Variants in RXFP1 observed in about 807,000 individuals in gnomAD.
RXFP1 encodes the protein relaxin receptor 1.
In RXFP1, 73 loss-of-function variants were observed where a neutral mutation model predicts 89.8. That is an observed-to-expected ratio of 0.81 (90% confidence interval 0.67 to 0.99). The LOEUF (loss-of-function observed/expected upper bound fraction) is 0.99. RXFP1 is among the 50% of genes least tolerant of loss of function. The pLI is 0.00. For missense variants in RXFP1, 793 were observed against 895.5 expected, an observed-to-expected ratio of 0.89 and a Z score of 1.46; for synonymous variants, 277 against 305.5, an observed-to-expected ratio of 0.91 and a Z score of 0.97.
intron 2 of RXFP1, among the ~76,000 whole-genome samples, chr4:158,591,921 A>G (rs1434659076): frequency 6.6e-6 from 1 of 152,188 alleles, no homozygotes; most frequent in East Asian, 1.9e-4. Flanking sequence ...AGAAGATCAC[A>G]TACCAACCCC....
intron 1 of RXFP1, among the ~76,000 whole-genome samples, chr4:158,529,713 T>G (rs1465309178): frequency 6.6e-6 from 1 of 152,204 alleles, no homozygotes; most frequent in East Asian, 1.9e-4. Context: ...AAGCAGTTCC[T>G]CTTTCTCCCT....
At chr4:158,527,064 C>A (rs1269127473) in intron 1 of RXFP1, among the ~76,000 whole-genome samples, 2 of 152,048 alleles carry the variant, frequency 1.3e-5, no homozygotes, top group African/African-American at 2.4e-5. Flanking sequence ...TCAGTTGAAC[C>A]AAAATGTTAC....
chr4:158,634,450 A>G (rs1296159337), intron 12 of RXFP1, among the ~76,000 whole-genome samples: 2 of 152,104 alleles, frequency 1.3e-5, no homozygotes, highest in Non-Finnish European at 2.9e-5. Context: ...ATGATTTTCA[A>G]ATATTTTCTC....
intron 1 of RXFP1, among the ~76,000 whole-genome samples, chr4:158,534,988 A>G (rs971430336): frequency 1.1e-4 from 16 of 148,562 alleles, no homozygotes; most frequent in African/African-American, 3.9e-4. Flanking sequence ...ATTATTTATA[A>G]TTATATAATA....
At chr4:158,619,482 T>G (rs1214036183) in intron 9 of RXFP1, among the ~76,000 whole-genome samples, 1 of 152,184 alleles carries the variant, frequency 6.6e-6, no homozygotes, top group African/African-American at 2.4e-5. Context: ...AAACTAAAAC[T>G]TTAATAAACT....
intron 9 of RXFP1, among the ~76,000 whole-genome samples, chr4:158,619,765 G>T (rs1765255541): frequency 6.6e-6 from 1 of 152,024 alleles, no homozygotes; most frequent in South Asian, 2.1e-4. Context: ...ACCAGGCAAA[G>T]GTCCATTACT....
Position 158,617,167 on chromosome 4 carries a change from TA to T in RXFP1, c.720del (p.Lys240AsnfsTer23), listed in dbSNP as rs1188336820. 6.2e-7 allele frequency: 1 copy of T among 1,610,832 alleles called. No individual in the cohort carries two copies. The highest frequency in any genetic ancestry group is 1.3e-5 in the African/African-American group (1 of 74,698). ...MNNVLTRLPD[K>X]PLCQHMPRLH... ...ATAACGTCCTCACCCGTTTACCTGA[TA>T]AACCTCTCTGTCAACACATGCCAAG... On this transcript the variant is annotated frameshift_variant, in exon 9 of 18. Transcript: ENST00000307765. LOFTEE classifies it high-confidence loss of function.
chr4:158,595,044 A>G (rs1760261865), intron 3 of RXFP1, among the ~76,000 whole-genome samples: 3 of 152,230 alleles, frequency 2.0e-5, no homozygotes, highest in Admixed American at 2.0e-4. Context: ...TATGTAGGCA[A>G]TGATTTAACT....
At chr4:158,638,941 C>T (rs1417600713) in intron 13 of RXFP1, among the ~76,000 whole-genome samples, 1 of 151,964 alleles carries the variant, frequency 6.6e-6, no homozygotes, top group Admixed American at 6.6e-5. Context: ...AAAGCATCCT[C>T]TGCTATTGTA....
At chr4:158,556,632 T>A (rs969572179) in intron 1 of RXFP1, among the ~76,000 whole-genome samples, 32 of 152,158 alleles carry the variant, frequency 2.1e-4, no homozygotes, top group African/African-American at 7.5e-4. Context: ...TGCAGCACCA[T>A]TTGCAATAAC....
intron 1 of RXFP1, among the ~76,000 whole-genome samples, chr4:158,555,754 A>C (rs542832283): frequency 6.6e-6 from 1 of 152,350 alleles, no homozygotes; most frequent in African/African-American, 2.4e-5. Context: ...GATTTCCAGA[A>C]GGAAAAGAAG....
At chr4:158,530,193 C>T (rs1040961771) in intron 1 of RXFP1, among the ~76,000 whole-genome samples, 2 of 152,160 alleles carry the variant, frequency 1.3e-5, no homozygotes, top group African/African-American at 2.4e-5. Context: ...AATTTATATG[C>T]GTGTGTGCCT....
At chr4:158,638,884 GA>G (rs1002744395) in intron 13 of RXFP1, among the ~76,000 whole-genome samples, 3 of 150,042 alleles carry the variant, frequency 2.0e-5, no homozygotes, top group Non-Finnish European at 4.4e-5. Flanking sequence ...CATTTTATTA[GA>G]AAAAAATTTA....
intron 1 of RXFP1, among the ~76,000 whole-genome samples, chr4:158,540,943 A>G (rs1291659645): frequency 2.0e-5 from 3 of 152,184 alleles, no homozygotes. Context: ...TTGTATGGAA[A>G]TGCATTAAAA....
chr4:158,627,504 G>GGTGTGTGT lies in RXFP1; in HGVS notation c.827+652_827+659dup, dbSNP rs35872724. Among the ~76,000 whole-genome samples the GGTGTGTGT allele has an allele frequency of 6.6e-3, 943 of 143,428 alleles. 13 individuals are homozygous for GGTGTGTGT. The highest frequency in any genetic ancestry group is 0.023 in the African/African-American group (886 of 38,834). 94.1% of individuals were successfully genotyped at this position (143,428 alleles called of 152,430 possible). ...AAATGTATTGTTTCATGAGCCTTAG[G>GGTGTGTGT]GTGTGTGTGTGTGTGTGTGTGTGTG... On this transcript the variant is annotated intron_variant, in intron 10 of 17. Transcript: ENST00000307765.
At chr4:158,604,710 T>A (rs1437391333) in intron 4 of RXFP1, among the ~76,000 whole-genome samples, 1 of 152,234 alleles carries the variant, frequency 6.6e-6, no homozygotes, top group Non-Finnish European at 1.5e-5. Context: ...TGAGTGTTTT[T>A]AAACAGAAAA....
chr4:158,633,600 C>T (rs894743299), intron 12 of RXFP1, 124 bp downstream of exon 12: 16 of 544,198 alleles, frequency 2.9e-5, no homozygotes, highest in Non-Finnish European at 5.2e-5. Context: ...GCTACATTCA[C>T]ATTGCTGCCC....
intron 2 of RXFP1, among the ~76,000 whole-genome samples, chr4:158,577,741 C>A (rs1397748541): frequency 6.6e-6 from 1 of 151,918 alleles, no homozygotes; most frequent in African/African-American, 2.4e-5. Flanking sequence ...AAAAATGAAA[C>A]ACCAAATGAA....
At chr4:158,651,214 G>A (rs1488816048) in intron 17 of RXFP1, among the ~76,000 whole-genome samples, 2 of 152,150 alleles carry the variant, frequency 1.3e-5, no homozygotes, top group Admixed American at 1.3e-4. Flanking sequence ...ATATATTAGA[G>A]TGATTTTTAA....
Sources: gnomAD v4.1 joint callset for allele counts (sites outside exome capture counted in the v4.1 genomes callset) on GRCh38, gnomAD v4.1.1 for gene constraint, MANE v1.5 for transcripts, NCBI Gene and HGNC (gene_info 2026-07-23, HGNC 2026-07-21) for gene names.